DDX10: variants seen among roughly 807,000 people sequenced by gnomAD.
DDX10 encodes the protein DEAD-box helicase 10.
DDX10 carries 74 observed loss-of-function variants against 104.3 expected under a neutral mutation model. The observed-to-expected ratio is 0.71, with a 90% CI of 0.59 to 0.86. DDX10 has a LOEUF of 0.86. Among genes scored for constraint, DDX10 ranks in the 40% least tolerant of loss-of-function variants. The probability of loss-of-function intolerance (pLI) is 0.00; values close to 1 mark genes in which losing one functional copy is unlikely to be tolerated. For synonymous variants in DDX10, 351 were observed against 353.4 expected, an observed-to-expected ratio of 0.99 and a Z score of 0.08; for missense variants, 952 against 1,040.0, an observed-to-expected ratio of 0.92 and a Z score of 1.16.
In DDX10 at chr11:108,686,603, C is replaced by T. The variant is rs184586260; in HGVS notation, c.849-2333C>T. On this transcript the variant is annotated intron_variant, in intron 6 of 17. Coordinates refer to ENST00000322536, the MANE Select transcript of DDX10 (RefSeq NM_004398.4). ...TTCATTTTAGCACTGAATAATATTCCATTGTCTGGATGTACCACAGTTTAT... is the reference window on the plus strand; with the variant it reads ...TTCATTTTAGCACTGAATAATATTCTATTGTCTGGATGTACCACAGTTTAT... 6.3e-3 allele frequency among the ~76,000 whole-genome samples: 960 copies of T among 152,198 alleles called. 3 individuals are homozygous for T. The highest frequency in any genetic ancestry group is 0.011 in the Non-Finnish European group (728 of 68,008).
intron 16 of DDX10, among the ~76,000 whole-genome samples, chr11:108,913,443 G>A (rs1204601207): frequency 1.3e-5 from 2 of 152,156 alleles, no homozygotes; most frequent in Admixed American, 6.5e-5. Flanking sequence ...CAATAGGGCA[G>A]AGGAAGCAAT....
chr11:108,753,823 C>T (rs937572046), intron 13 of DDX10, among the ~76,000 whole-genome samples: 14 of 151,918 alleles, frequency 9.2e-5, no homozygotes, highest in African/African-American at 2.4e-4. Context: ...CTCTGAGCCA[C>T]GTGGTACTTG....
intron 17 of DDX10, among the ~76,000 whole-genome samples, chr11:108,922,771 G>C (rs1863851978): frequency 6.6e-6 from 1 of 152,198 alleles, no homozygotes; most frequent in Non-Finnish European, 1.5e-5. Flanking sequence ...CTTATAATAT[G>C]GTTTCAGGGA....
intron 1 of DDX10, among the ~76,000 whole-genome samples, chr11:108,666,742 G>A (rs180963476): frequency 1.5e-3 from 229 of 152,248 alleles, no homozygotes; most frequent in Non-Finnish European, 2.5e-3. Flanking sequence ...TTATAAGGGC[G>A]CTTACGATTG....
At chr11:108,827,293 T>C (rs895156973) in intron 13 of DDX10, among the ~76,000 whole-genome samples, 1 of 152,190 alleles carries the variant, frequency 6.6e-6, no homozygotes, top group African/African-American at 2.4e-5. Flanking sequence ...TACAGTCTAT[T>C]AGGAAAAAGC....
chr11:108,798,168 AC>A (rs1861971931), intron 13 of DDX10, among the ~76,000 whole-genome samples: 1 of 152,134 alleles, frequency 6.6e-6, no homozygotes, highest in South Asian at 2.1e-4. Context: ...AGAAGAAAGG[AC>A]TCTAAATGCC....
At chr11:108,698,806 C>A (rs980721170) in intron 9 of DDX10, among the ~76,000 whole-genome samples, 1 of 152,184 alleles carries the variant, frequency 6.6e-6, no homozygotes, top group African/African-American at 2.4e-5. Flanking sequence ...TCATCCGTTT[C>A]CCCCCAGTTT....
chr11:108,816,436 C>G (rs1052688718), intron 13 of DDX10, among the ~76,000 whole-genome samples: 8 of 152,162 alleles, frequency 5.3e-5, no homozygotes, highest in Non-Finnish European at 1.2e-4. Flanking sequence ...CTTTTATCTC[C>G]CAGATCTACC....
chr11:108,888,141 G>A (rs1258321553), intron 16 of DDX10, among the ~76,000 whole-genome samples: 1 of 151,810 alleles, frequency 6.6e-6, no homozygotes, highest in African/African-American at 2.4e-5. Flanking sequence ...CTTAGGAGAG[G>A]AATAATGACT....
intron 13 of DDX10, among the ~76,000 whole-genome samples, chr11:108,766,807 T>G (rs1357265581): frequency 1.3e-5 from 2 of 152,204 alleles, no homozygotes; most frequent in Non-Finnish European, 2.9e-5. Context: ...AAGGACTGAC[T>G]GAGTGAATGA....
intron 13 of DDX10, among the ~76,000 whole-genome samples, chr11:108,814,635 T>C (rs1018083099): frequency 6.6e-6 from 1 of 152,198 alleles, no homozygotes; most frequent in Non-Finnish European, 1.5e-5. Context: ...GCTTAAAATC[T>C]TGAATCTTAG....
chr11:108,891,751 C>T (rs976780284), intron 16 of DDX10, among the ~76,000 whole-genome samples: 12 of 152,086 alleles, frequency 7.9e-5, no homozygotes, highest in Non-Finnish European at 1.6e-4. Context: ...TGTCTGATCA[C>T]CCATTGTTGT....
At chr11:108,898,531 C>T (rs1271317573) in intron 16 of DDX10, among the ~76,000 whole-genome samples, 2 of 151,964 alleles carry the variant, frequency 1.3e-5, no homozygotes, top group African/African-American at 4.8e-5. Flanking sequence ...AAGACAGAGA[C>T]AGCTGAAAAG....
At chr11:108,708,324 A>T in intron 10 of DDX10, among the ~76,000 whole-genome samples, 2 of 132,452 alleles carry the variant, frequency 1.5e-5, no homozygotes, top group African/African-American at 2.7e-5. Context: ...TAGCCTGGTG[A>T]TGTGATGGAG....
intron 13 of DDX10, among the ~76,000 whole-genome samples, chr11:108,833,268 CATTTATTCTGTGT>C (rs1443761205): frequency 6.6e-6 from 1 of 152,116 alleles, no homozygotes; most frequent in Admixed American, 6.5e-5. Context: ...CAGTCATATT[CATTTATTCTGTGT>C]ATTTTTTCTA....
In DDX10 at chr11:108,743,441, G is replaced by T. The variant is rs890321500; in HGVS notation, c.1965+19979G>T. ...CATCATACTGAATGGACAAAAGCTG[G>T]ACACATTCCCCTTAAACTGGAATAA... On this transcript the variant is annotated intron_variant, in intron 13 of 17. Transcript: ENST00000322536. Among the ~76,000 whole-genome samples the T allele has an allele frequency of 2.0e-5, 3 of 152,168 alleles. 1 individual carries two copies. The highest frequency in any genetic ancestry group is 1.3e-4 in the Admixed American group (2 of 15,268).
intron 3 of DDX10, 69 bp downstream of exon 3, chr11:108,675,795 A>AT: frequency 6.4e-7 from 1 of 1,559,348 alleles, no homozygotes; most frequent in Non-Finnish European, 8.8e-7. Context: ...CCAGATGCAG[A>AT]TTATATAAAG....
At chr11:108,937,356 G>C (rs1864049451) in intron 17 of DDX10, among the ~76,000 whole-genome samples, 1 of 152,106 alleles carries the variant, frequency 6.6e-6, no homozygotes, top group African/African-American at 2.4e-5. Context: ...GGTGAAACCA[G>C]GAAATCAACC....
intron 13 of DDX10, among the ~76,000 whole-genome samples, chr11:108,751,931 C>T (rs141963232): frequency 5.9e-4 from 90 of 152,142 alleles, no homozygotes; most frequent in Middle Eastern, 3.4e-3. Context: ...AGTGAAAATA[C>T]AGTTTTGAGC....
Sources: allele counts gnomAD v4.1 joint callset (sites outside exome capture counted in the v4.1 genomes callset), GRCh38; gene constraint gnomAD v4.1.1; transcripts MANE v1.5; gene names NCBI Gene and HGNC (gene_info 2026-07-23, HGNC 2026-07-21).